Variants in RYR3 observed in about 807,000 individuals in gnomAD.
The protein encoded by RYR3 is ryanodine receptor 3, also known as brain ryanodine receptor-calcium release channel.
In RYR3, 207 loss-of-function variants were observed where a neutral mutation model predicts 584.3. The ratio of observed to expected loss-of-function variants is 0.35; its 90% CI spans 0.32 to 0.40. RYR3 has a LOEUF of 0.40. RYR3 is among the 10% of genes least tolerant of loss of function. RYR3 has a pLI of 1.00. For missense variants in RYR3, 5,616 were observed against 6,089.2 expected (o/e 0.92, Z 2.59); for synonymous variants, 2,416 against 2,248.5 (o/e 1.07, Z -2.11).
intron 95 of RYR3, among the ~76,000 whole-genome samples, 152 bp from the exon 96 acceptor site, chr15:33,853,403 T>A (rs1309463888): frequency 1.3e-5 from 2 of 152,238 alleles, no homozygotes; most frequent in African/African-American, 4.8e-5. Context: ...CTTTTTTCTC[T>A]GGGTTTTCTC....
chr15:33,396,570 G>T (rs1034982521), intron 1 of RYR3, among the ~76,000 whole-genome samples: 33 of 152,330 alleles, frequency 2.2e-4, no homozygotes, highest in Middle Eastern at 6.8e-3. Flanking sequence ...CTAGGTTGGT[G>T]CAAAGGTAAC....
At chr15:33,830,223 G>A (rs7163808) in intron 85 of RYR3, among the ~76,000 whole-genome samples, 23,615 of 152,116 alleles carry the variant, frequency 0.16, 1,970 homozygotes, top group Middle Eastern at 0.3. Flanking sequence ...AGTTAACACT[G>A]TCTTATTTCA....
intron 1 of RYR3, among the ~76,000 whole-genome samples, chr15:33,351,147 C>T (rs1306560777): frequency 6.6e-6 from 1 of 152,192 alleles, no homozygotes; most frequent in African/African-American, 2.4e-5. Flanking sequence ...CGCAAATAAA[C>T]TGGAAAATCT....
At chr15:33,343,386 C>A (rs1335027664) in intron 1 of RYR3, among the ~76,000 whole-genome samples, 4 of 152,186 alleles carry the variant, frequency 2.6e-5, no homozygotes, top group Non-Finnish European at 5.9e-5. Flanking sequence ...CTAACGAACA[C>A]CTCCCTTTGT....
At chr15:33,854,936 C>A in intron 98 of RYR3, 24 bp downstream of exon 98, 1 of 1,594,524 alleles carries the variant, frequency 6.3e-7, no homozygotes, top group Non-Finnish European at 8.5e-7. Flanking sequence ...TGATGCAGAA[C>A]AGAATGGACC....
intron 1 of RYR3, among the ~76,000 whole-genome samples, chr15:33,379,232 A>G (rs1376538540): frequency 4.6e-5 from 7 of 151,820 alleles, no homozygotes; most frequent in Non-Finnish European, 1.0e-4. Context: ...GTAACACACT[A>G]TGGTTTTCAG....
At chr15:33,863,150 A>T (rs564705926) in intron 102 of RYR3, among the ~76,000 whole-genome samples, 4 of 152,186 alleles carry the variant, frequency 2.6e-5, no homozygotes, top group Non-Finnish European at 4.4e-5. Flanking sequence ...TATCCCCTCT[A>T]GGAGCAAGCT....
At chr15:33,506,507 A>G (rs1405319117) in intron 3 of RYR3, among the ~76,000 whole-genome samples, 1 of 152,194 alleles carries the variant, frequency 6.6e-6, no homozygotes, top group African/African-American at 2.4e-5. Flanking sequence ...GAGAAGAGAG[A>G]CCTAATAGTT....
At chr15:33,505,565 C>T (rs535364502) in intron 3 of RYR3, among the ~76,000 whole-genome samples, 1 of 152,326 alleles carries the variant, frequency 6.6e-6, no homozygotes, top group Non-Finnish European at 1.5e-5. Flanking sequence ...GATCTCTGCT[C>T]ACTGCAAGCT....
At chr15:33,591,778 G>A (rs1208860424) in intron 16 of RYR3, among the ~76,000 whole-genome samples, 1 of 152,152 alleles carries the variant, frequency 6.6e-6, no homozygotes, top group Non-Finnish European at 1.5e-5. Flanking sequence ...TAATATCATT[G>A]ATTCTCAGAA....
chr15:33,744,205 C>T (rs2070450432), intron 52 of RYR3, among the ~76,000 whole-genome samples: 1 of 152,196 alleles, frequency 6.6e-6, no homozygotes, highest in Non-Finnish European at 1.5e-5. Context: ...TGGCATTTTT[C>T]AGATTTCTCA....
At chr15:33,739,007 CAGA>C (rs1001601536) in intron 50 of RYR3, among the ~76,000 whole-genome samples, 5 of 152,138 alleles carry the variant, frequency 3.3e-5, no homozygotes, top group African/African-American at 1.2e-4. Flanking sequence ...AGGGGATTTC[CAGA>C]AGACCTTAAG....
intron 93 of RYR3, among the ~76,000 whole-genome samples, chr15:33,846,679 C>G (rs537865968): frequency 6.6e-6 from 1 of 152,296 alleles, no homozygotes; most frequent in South Asian, 2.1e-4. Flanking sequence ...CCCTGGGCTA[C>G]ACTAAGGACT....
In RYR3 at chr15:33,412,760, C is replaced by T. The variant is rs907273703; in HGVS notation, c.52-60659C>T. On this transcript the variant is annotated intron_variant, in intron 1 of 103. Coordinates refer to ENST00000634891, the MANE Select transcript of RYR3 (RefSeq NM_001036.6). The surrounding 1 kb of genome is among the most constrained non-coding windows in gnomAD (Gnocchi z 4.3). The stretch of plus-strand genomic sequence containing the variant: ...ACTGTCCTCCGGTTTGCCTGTTTCA[C>T]ACCCTCCCACTTCTACAGCTTCCTG... Among the ~76,000 whole-genome samples, 2 of 152,214 alleles carry T rather than the reference C, an allele frequency of 1.3e-5. No homozygotes were observed. Among genetic ancestry groups the T allele is most frequent in the African/African-American group, 4.8e-5 (2 of 41,456 alleles).
At chr15:33,864,245 A>T (rs1889613269) in intron 103 of RYR3, 56 bp downstream of exon 103, 1 of 1,368,114 alleles carries the variant, frequency 7.3e-7, no homozygotes, top group Admixed American at 1.9e-5. Flanking sequence ...AAATCTTGAG[A>T]CTTAGTAGGG....
At chr15:33,794,473 C>T (rs770970413) in intron 67 of RYR3, among the ~76,000 whole-genome samples, 1 of 150,656 alleles carries the variant, frequency 6.6e-6, no homozygotes, top group East Asian at 2.0e-4. Context: ...ATCATAATAA[C>T]GTTAGCAGTG....
intron 1 of RYR3, among the ~76,000 whole-genome samples, chr15:33,447,789 TTTG>T (rs1191852071): frequency 2.6e-5 from 4 of 152,200 alleles, no homozygotes; most frequent in African/African-American, 9.6e-5. Flanking sequence ...TGAAAGTTCT[TTTG>T]TTCAGCATAA....
chr15:33,524,853 C>T (rs79600806), intron 3 of RYR3, among the ~76,000 whole-genome samples: 3,886 of 152,042 alleles, frequency 0.026, 64 homozygotes, highest in Non-Finnish European at 0.04. Context: ...GTTTTTTTCC[C>T]TACATTTCAA....
At chr15:33,746,287 G>C in intron 53 of RYR3, 130 bp downstream of exon 53, 1 of 701,218 alleles carries the variant, frequency 1.4e-6, no homozygotes, top group East Asian at 2.7e-5. Flanking sequence ...TCAGTAAACT[G>C]TTCACAAGCT....
Sources: gnomAD v4.1 joint callset for allele counts (sites outside exome capture counted in the v4.1 genomes callset) on GRCh38, gnomAD v4.1.1 for gene constraint, Gnocchi (gnomAD v3.1) non-coding constraint, MANE v1.5 for transcripts, NCBI Gene and HGNC (gene_info 2026-07-23, HGNC 2026-07-21) for gene names.